TBCB: variants seen among roughly 807,000 people sequenced by gnomAD.
TBCB encodes tubulin folding cofactor B.
TBCB carries 18 observed loss-of-function variants against 29.2 expected under a neutral mutation model. The ratio of observed to expected loss-of-function variants is 0.62; its 90% confidence interval spans 0.43 to 0.91. TBCB has a LOEUF of 0.91. Among genes scored for constraint, TBCB ranks in the 40% least tolerant of loss-of-function variants. The pLI is 0.00. For synonymous variants in TBCB, 172 were observed against 137.8 expected (o/e 1.25, Z -1.74); for missense variants, 336 against 337.6 (o/e 1.00, Z 0.04).
intron 4 of TBCB, among the ~76,000 whole-genome samples, chr19:36,124,417 T>C (rs1431712723): frequency 6.6e-6 from 1 of 151,890 alleles, no homozygotes. Context: ...GACAGGGTTT[T>C]GCCATGTTGG....
At chr19:36,121,743 C>T (rs888344636) in intron 4 of TBCB, 25 bp downstream of exon 4, 16 of 1,547,978 alleles carry the variant, frequency 1.0e-5, no homozygotes, top group Admixed American at 2.0e-5. Context: ...GGCCCGGTCC[C>T]GGGCTCCAGG....
rs1436635381 is a variant in TBCB, at chr19:36,125,929, C to T, written c.*147C>T. ...ATTTTTGAGACTCATGCATTAAATT[C>T]ACTAGAAACCCAGAAAGTATTTAGA... On this transcript the variant is annotated 3_prime_UTR_variant, in exon 6 of 6. Transcript: ENST00000221855. 1.2e-4 allele frequency: 62 copies of T among 532,242 alleles called. No homozygotes were observed. The East Asian group carries it at 2.0e-3, about 18-fold the overall frequency. 33.0% of individuals were successfully genotyped at this position (532,242 alleles called of 1,614,324 possible).
At position 36,124,006 on chromosome 19, in the gene TBCB, G is replaced by A. The variant is rs187326286; in HGVS notation, c.548-1445G>A. Among the ~76,000 whole-genome samples, 76 of 152,232 alleles carry A rather than the reference G, an allele frequency of 5.0e-4. 1 individual carries two copies. The highest frequency in any genetic ancestry group is 1.7e-3 in the African/African-American group (72 of 41,560). On this transcript the variant is annotated intron_variant, in intron 4 of 5. Transcript: ENST00000221855. Reference sequence around the variant, plus strand: ...ACCTGCCACACTGCTTCCCACAGCCGCTGCAGCAGTTTTCATTCCCGCCAG... The same window carrying A: ...ACCTGCCACACTGCTTCCCACAGCCACTGCAGCAGTTTTCATTCCCGCCAG...
At chr19:36,123,081 T>C (rs1974082538) in intron 4 of TBCB, among the ~76,000 whole-genome samples, 1 of 152,144 alleles carries the variant, frequency 6.6e-6, no homozygotes, top group Non-Finnish European at 1.5e-5. Context: ...CGCCTTCCAC[T>C]GAGCAGAATG....
Position 36,125,884 on chromosome 19 carries a change from C to T in TBCB, c.*102C>T. ...CTCCTGACCCCATTTTAATTTTATT[C>T]ATTTTTTCCTTTGCCATTGATTTTT... On this transcript the variant is annotated 3_prime_UTR_variant, in exon 6 of 6. Coordinates refer to ENST00000221855, the MANE Select transcript of TBCB (RefSeq NM_001281.3). The T allele has an allele frequency of 5.8e-6, 5 of 862,114 alleles. No homozygotes were observed. The highest frequency in any genetic ancestry group is 8.3e-6 in the Non-Finnish European group (5 of 600,134). The allele number at this position is 862,114 out of a possible 1,614,324, so 53.4% of individuals were successfully genotyped here.
upstream of TBCB, chr19:36,115,242 G>A (rs2231571): frequency 5.5e-4 from 296 of 535,322 alleles, no homozygotes; most frequent in African/African-American, 5.4e-3. Context: ...GACTGGGCGA[G>A]CTCTTGCCAC....
At chr19:36,125,620 G>A (rs1974124734) in intron 5 of TBCB, 48 bp from the exon 6 acceptor site, 4 of 1,606,526 alleles carry the variant, frequency 2.5e-6, no homozygotes, top group African/African-American at 2.7e-5. Context: ...CTAGAGTGGA[G>A]CCATGTGAGG....
chr19:36,121,694 C>A lies in TBCB; in HGVS notation c.523C>A (p.Arg175Ser). 1 of 1,553,196 alleles carries A rather than the reference C, an allele frequency of 6.4e-7. No individual in the cohort carries two copies. ...CEVRAAGQSPRRGTVMYVGLT... is the reference protein window; with the variant it reads ...CEVRAAGQSPSRGTVMYVGLT... ...GGTGCGGGCGGCGGGACAATCCCCT[C>A]GCCGGGGCACCGTCATGTATGTAGG... Residue 175 changes from arginine to serine, a missense_variant, in exon 4 of 6, where the codon CGC (arginine) becomes AGC (serine). By Grantham distance (110) the Arg-to-Ser change is moderately radical (BLOSUM62 -1). Transcript: ENST00000221855.
chr19:36,122,754 CAAAA>C (rs200939642), intron 4 of TBCB, among the ~76,000 whole-genome samples: 211 of 62,778 alleles, frequency 3.4e-3, no homozygotes, highest in African/African-American at 0.01. Flanking sequence ...ACCCTGTCTC[CAAAA>C]AAAAAAAAAA....
chr19:36,117,762 T>A (rs1328137779), intron 2 of TBCB: 2 of 151,924 alleles, frequency 1.3e-5, no homozygotes, highest in African/African-American at 4.8e-5. Context: ...TGGAGTTTAT[T>A]TATTTATTTT....
intron 2 of TBCB, among the ~76,000 whole-genome samples, chr19:36,119,771 T>C (rs1439399022): frequency 6.6e-6 from 1 of 151,866 alleles, no homozygotes; most frequent in Non-Finnish European, 1.5e-5. Context: ...TGTGTGCCTA[T>C]AGTTTCAGCT....
At position 36,125,890 on chromosome 19, in the gene TBCB, T is replaced by C. The variant is rs1338551355; in HGVS notation, c.*108T>C. ...ACCCCATTTTAATTTTATTCATTTT[T>C]TCCTTTGCCATTGATTTTTGAGACT... is the stretch of plus-strand genomic sequence containing the variant. On this transcript the variant is annotated 3_prime_UTR_variant, in exon 6 of 6. Coordinates refer to ENST00000221855, the MANE Select transcript of TBCB (RefSeq NM_001281.3). The C allele has an allele frequency of 2.5e-5, 21 of 823,602 alleles. No individual in the cohort carries two copies. The highest frequency in any genetic ancestry group is 3.7e-5 in the Non-Finnish European group (21 of 566,772). The allele number at this position is 823,602 out of a possible 1,614,324, so 51.0% of individuals were successfully genotyped here.
chr19:36,121,727 C>A lies in TBCB; in HGVS notation c.547+9C>A. The A allele has an allele frequency of 6.5e-7, 1 of 1,547,812 alleles. No individual in the cohort carries two copies. The highest frequency in any genetic ancestry group is 8.7e-7 in the Non-Finnish European group (1 of 1,146,690). ...CACCGTCATGTATGTAGGTGCGTGG[C>A]TCGCGGGCCCGGTCCCGGGCTCCAG... On this transcript the variant is annotated intron_variant, in intron 4 of 5. Transcript: ENST00000221855.
intron 1 of TBCB, 21 bp downstream of exon 1, chr19:36,115,695 T>G: frequency 3.2e-6 from 2 of 634,422 alleles, no homozygotes; most frequent in Non-Finnish European, 4.6e-6. Flanking sequence ...GGGGGCGGGG[T>G]CCGGAGGGGC....
intron 2 of TBCB, among the ~76,000 whole-genome samples, chr19:36,117,226 C>T (rs1973970683): frequency 6.6e-6 from 1 of 152,208 alleles, no homozygotes; most frequent in Non-Finnish European, 1.5e-5. Context: ...TTTATTTACT[C>T]TCTGTCTCCC....
In TBCB at chr19:36,115,604, T is replaced by G; in HGVS notation, c.44T>G (p.Ile15Ser). The G allele has an allele frequency of 6.2e-7, 1 of 1,609,640 alleles. No homozygotes were observed. Among genetic ancestry groups the G allele is most frequent in the Non-Finnish European group, 8.5e-7 (1 of 1,178,488 alleles). The change falls in exon 1 of 6, where the codon ATC becomes AGC. Residue 15 changes from isoleucine (I) to serine (S), a missense_variant. Transcript: ENST00000221855. ...GVSAPTVTVFISSSLNTFRSE... is the reference protein window; with the variant it reads ...GVSAPTVTVFSSSSLNTFRSE... Reference sequence around the variant, plus strand: ...TCGGCACCCACGGTGACCGTTTTCATCAGCAGCTCCCTCAACACCTTCCGC... The same window carrying G: ...TCGGCACCCACGGTGACCGTTTTCAGCAGCAGCTCCCTCAACACCTTCCGC...
chr19:36,124,048 C>T (rs1316480860), intron 4 of TBCB, among the ~76,000 whole-genome samples: 1 of 152,138 alleles, frequency 6.6e-6, no homozygotes, highest in Non-Finnish European at 1.5e-5. Flanking sequence ...AGAAGGGTCC[C>T]ATTTTGTCCT....
chr19:36,124,549 T>G (rs1001414183), intron 4 of TBCB, among the ~76,000 whole-genome samples: 2 of 151,894 alleles, frequency 1.3e-5, no homozygotes, highest in African/African-American at 4.8e-5. Flanking sequence ...GGTTTTGTTT[T>G]TTTTCTTTTG....
At position 36,116,061 on chromosome 19, in the gene TBCB, G is replaced by A; in HGVS notation, c.135G>A (p.Val45=). The change falls in exon 2 of 6, where the codon GTG becomes GTA. Residue 45 remains valine, a synonymous_variant. Transcript: ENST00000221855. The part of the protein sequence containing the change: ...AEFKCKLELL[V]GSPASCMELE... The stretch of plus-strand genomic sequence containing the variant: ...CACAGTGTAAACTGGAGTTGCTGGT[G>A]GGCAGCCCTGCTTCCTGCATGGAAC... The A allele has an allele frequency of 1.9e-6, 3 of 1,614,124 alleles. No homozygotes were observed. Among genetic ancestry groups the A allele is most frequent in the Non-Finnish European group, 1.7e-6 (2 of 1,180,012 alleles).
Sources: gnomAD v4.1 joint callset for allele counts (sites outside exome capture counted in the v4.1 genomes callset) on GRCh38, gnomAD v4.1.1 for gene constraint, MANE v1.5 for transcripts, NCBI Gene and HGNC (gene_info 2026-07-23, HGNC 2026-07-21) for gene names.